The following TULP4 variants were observed in gnomAD, a reference collection of about 807,000 sequenced individuals.
The protein encoded by TULP4 is TUB like protein 4, also known as tubby-related protein 4.
Under a neutral mutation model 129.0 loss-of-function variants are expected in TULP4, and 16 were observed. The observed-to-expected ratio is 0.12, with a 90% CI of 0.08 to 0.19. The LOEUF is 0.19. Among genes scored for constraint, TULP4 ranks in the 10% least tolerant of loss-of-function variants. TULP4 has a pLI of 1.00. For missense variants in TULP4, 1,842 were observed against 2,059.1 expected (o/e 0.89, Z 2.04); for synonymous variants, 998 against 854.0 (o/e 1.17, Z -2.94).
chr6:158,401,785 T>C (rs1055344376), intron 1 of TULP4, among the ~76,000 whole-genome samples: 1 of 152,150 alleles, frequency 6.6e-6, no homozygotes, highest in African/African-American at 2.4e-5. Flanking sequence ...TGCTCTCTAG[T>C]AGATGGATAC....
At chr6:158,427,641 G>T (rs543725054) in intron 2 of TULP4, among the ~76,000 whole-genome samples, 6 of 151,540 alleles carry the variant, frequency 4.0e-5, no homozygotes, top group African/African-American at 1.2e-4. Context: ...CTACAGGCGC[G>T]TGCCACCATG....
chr6:158,417,074 T>G (rs1352550162), intron 2 of TULP4, among the ~76,000 whole-genome samples: 1 of 152,188 alleles, frequency 6.6e-6, no homozygotes, highest in Non-Finnish European at 1.5e-5. Flanking sequence ...AATGACATAC[T>G]TGTTAGAATG....
chr6:158,481,402 GC>G, intron 8 of TULP4, 113 bp downstream of exon 8: 1 of 961,110 alleles, frequency 1.0e-6, no homozygotes, highest in South Asian at 1.4e-5. Flanking sequence ...GCCTGTGGGG[GC>G]TAGTGTGGAA....
chr6:158,277,591 C>G (rs1286397974), upstream of TULP4, among the ~76,000 whole-genome samples: 1 of 152,194 alleles, frequency 6.6e-6, no homozygotes, highest in Non-Finnish European at 1.5e-5. Flanking sequence ...GTAGCCAAAA[C>G]AACTCTTGCC....
upstream of TULP4, among the ~76,000 whole-genome samples, chr6:158,279,765 G>C (rs771953319): frequency 2.6e-5 from 4 of 152,106 alleles, no homozygotes; most frequent in Admixed American, 1.3e-4. Flanking sequence ...TTCACTCTTA[G>C]TGAGATATAC....
intron 1 of TULP4, among the ~76,000 whole-genome samples, chr6:158,239,073 C>T (rs1777791108): frequency 7.8e-6 from 1 of 128,388 alleles, no homozygotes; most frequent in Admixed American, 7.4e-5. Context: ...CCCCCACCTC[C>T]CTCCCGGACG....
intron 11 of TULP4, among the ~76,000 whole-genome samples, chr6:158,495,147 G>C (rs563454508): frequency 6.6e-6 from 1 of 151,952 alleles, no homozygotes; most frequent in South Asian, 2.1e-4. Flanking sequence ...CCTTGACCTG[G>C]GCTCAAGTGA....
chr6:158,300,573 A>G (rs1779114501), intron 1 of TULP4, among the ~76,000 whole-genome samples: 1 of 152,188 alleles, frequency 6.6e-6, no homozygotes, highest in African/African-American at 2.4e-5. Context: ...AGCCTTACTA[A>G]CATATCCAGG....
intron 1 of TULP4, among the ~76,000 whole-genome samples, chr6:158,345,974 T>A (rs935711432): frequency 6.6e-6 from 1 of 152,172 alleles, no homozygotes; most frequent in Non-Finnish European, 1.5e-5. Flanking sequence ...ACAATATTCC[T>A]TGCTAGGAAA....
At chr6:158,490,839 GC>G (rs1467875603) in intron 9 of TULP4, among the ~76,000 whole-genome samples, 2 of 147,868 alleles carry the variant, frequency 1.4e-5, no homozygotes, top group East Asian at 3.9e-4. Flanking sequence ...TCATGTTGTT[GC>G]ATGTATCAGT....
chr6:158,503,045 C>G lies in TULP4; in HGVS notation c.3382C>G (p.Leu1128Val). 4 of 1,614,164 alleles carry G rather than the reference C, an allele frequency of 2.5e-6. No homozygotes were observed. Among genetic ancestry groups the G allele is most frequent in the Non-Finnish European group, 3.4e-6 (4 of 1,180,028 alleles). Residue 1128 changes from leucine (L) to valine (V), a missense_variant, in exon 13 of 14, where the codon CTG becomes GTG. Transcript: ENST00000367097. This position sits in a 1 kb window ranked among gnomAD's most constrained non-coding sequence, Gnocchi z 4.3. ...ACCCCCTTACCAGTGGGACCCCATG[C>G]TGGGTGAGGATGTTTGGGTTCCTCA... ...RPPPYQWDPM[L>V]GEDVWVPQER...
chr6:158,268,462 A>G (rs375085802), intron 1 of TULP4, among the ~76,000 whole-genome samples: 2 of 152,204 alleles, frequency 1.3e-5, no homozygotes, highest in South Asian at 4.1e-4. Context: ...CTATAACAAA[A>G]TACCTTAGAC....
upstream of TULP4, among the ~76,000 whole-genome samples, chr6:158,281,912 CT>C (rs758583477): frequency 7.2e-5 from 11 of 152,236 alleles, no homozygotes; most frequent in South Asian, 4.1e-4. Context: ...AACATTTTTC[CT>C]GGCTAACTAG....
At chr6:158,349,492 A>G (rs1171337762) in intron 1 of TULP4, among the ~76,000 whole-genome samples, 1 of 125,526 alleles carries the variant, frequency 8.0e-6, no homozygotes, top group Non-Finnish European at 1.7e-5. Flanking sequence ...GCAGCTGGGC[A>G]GAGGTGCTCC....
intron 1 of TULP4, among the ~76,000 whole-genome samples, chr6:158,399,079 A>C (rs981912636): frequency 6.6e-6 from 1 of 152,192 alleles, no homozygotes; most frequent in Non-Finnish European, 1.5e-5. Context: ...TCTCTGCCTC[A>C]GTTTTGCAGC....
intron 2 of TULP4, among the ~76,000 whole-genome samples, chr6:158,421,982 G>A (rs1175712819): frequency 6.6e-6 from 1 of 152,036 alleles, no homozygotes. Context: ...GATTAAAGTG[G>A]TGCTGTGAGA....
chr6:158,379,727 A>G (rs1035291075), intron 1 of TULP4, among the ~76,000 whole-genome samples: 2 of 152,184 alleles, frequency 1.3e-5, no homozygotes, highest in African/African-American at 4.8e-5. Flanking sequence ...CTCGATCAGG[A>G]CAAAGAAAGA....
chr6:158,486,564 A>G (rs1406746526), intron 8 of TULP4, among the ~76,000 whole-genome samples: 1 of 151,822 alleles, frequency 6.6e-6, no homozygotes, highest in Non-Finnish European at 1.5e-5. Context: ...AAAAAAAGGC[A>G]AGGAAAGAGC....
In TULP4 at chr6:158,250,303, G is replaced by A. The variant is rs920944823; in HGVS notation, n.68+18000G>A. Among the ~76,000 whole-genome samples the A allele has an allele frequency of 4.6e-5, 7 of 152,046 alleles. No individual in the cohort carries two copies. The South Asian group carries it at 1.0e-3, about 23-fold the overall frequency. On this transcript the variant is annotated intron_variant and non_coding_transcript_variant, in intron 1 of 1. Coordinates refer to the TULP4 transcript ENST00000620026. ...CTCCCGAGCAGCTGGGACTACAGGC[G>A]CCTGCCACCACACCCAGCTAATTTT... is the stretch of plus-strand genomic sequence containing the variant.
Sources: allele counts gnomAD v4.1 joint callset (sites outside exome capture counted in the v4.1 genomes callset), GRCh38; gene constraint gnomAD v4.1.1; non-coding constraint Gnocchi (gnomAD v3.1); transcripts MANE v1.5; gene names NCBI Gene and HGNC (gene_info 2026-07-23, HGNC 2026-07-21).